SEMA6D: variants seen among roughly 807,000 people sequenced by gnomAD.
The protein encoded by SEMA6D is semaphorin-6D.
Under a neutral mutation model 106.6 loss-of-function variants are expected in SEMA6D, and 35 were observed. That is an observed-to-expected ratio of 0.33 (90% CI 0.25 to 0.44). The LOEUF (loss-of-function observed/expected upper bound fraction) is 0.44. SEMA6D is among the 20% of genes least tolerant of loss of function. SEMA6D has a pLI of 1.00. For synonymous variants in SEMA6D, 499 were observed against 487.7 expected (o/e 1.02, Z -0.31); for missense variants, 1,185 against 1,345.9 (o/e 0.88, Z 1.87).
intron 3 of SEMA6D, among the ~76,000 whole-genome samples, chr15:47,536,232 A>G (rs2045158506): frequency 6.6e-6 from 1 of 152,176 alleles, no homozygotes; most frequent in Non-Finnish European, 1.5e-5. Flanking sequence ...CCATTACATT[A>G]CCTCTACAAA....
intron 2 of SEMA6D, among the ~76,000 whole-genome samples, chr15:47,421,509 T>G (rs2041154673): frequency 1.3e-5 from 2 of 152,114 alleles, no homozygotes; most frequent in Non-Finnish European, 2.9e-5. Flanking sequence ...TGGTTTTGGC[T>G]TCAGGTGATA....
chr15:47,448,961 A>G (rs1259102254), intron 2 of SEMA6D, among the ~76,000 whole-genome samples: 1 of 152,000 alleles, frequency 6.6e-6, no homozygotes, highest in Non-Finnish European at 1.5e-5. Context: ...AAAAATCATC[A>G]TCTCCCCCAT....
chr15:47,416,376 A>C (rs767670552), intron 2 of SEMA6D, among the ~76,000 whole-genome samples: 1 of 152,142 alleles, frequency 6.6e-6, no homozygotes, highest in African/African-American at 2.4e-5. Context: ...CTTGGTCACA[A>C]AATTCGGAAA....
intron 2 of SEMA6D, among the ~76,000 whole-genome samples, chr15:47,448,733 C>T (rs775251938): frequency 6.6e-6 from 1 of 152,058 alleles, no homozygotes. Context: ...AGAGCATCCT[C>T]ATTGAGAAAG....
intron 1 of SEMA6D, among the ~76,000 whole-genome samples, chr15:47,362,810 G>A (rs1001973082): frequency 9.9e-5 from 15 of 152,134 alleles, no homozygotes; most frequent in African/African-American, 3.6e-4. Flanking sequence ...TGTTACTGAA[G>A]GACTGGCAGA....
At chr15:47,397,424 G>A (rs2040249848) in intron 1 of SEMA6D, 1 of 151,882 alleles carries the variant, frequency 6.6e-6, no homozygotes, top group Non-Finnish European at 1.5e-5. Flanking sequence ...TTTTTTTGCA[G>A]TCCTATCAAT....
rs964745423 is a variant in SEMA6D, at chr15:47,623,795, G to A, written c.-55+22899G>A. On this transcript the variant is annotated intron_variant, in intron 4 of 19. Coordinates refer to the SEMA6D transcript ENST00000558014. ...TTCAGAGTATTTTGTAGCCCAGAAG[G>A]AAAAATAAGACATCCATATAGATCA... 3.4e-4 allele frequency among the ~76,000 whole-genome samples: 52 copies of A among 152,128 alleles called. 1 individual carries two copies. The highest frequency in any genetic ancestry group is 8.8e-5 in the Non-Finnish European group (6 of 68,012).
chr15:47,748,247 C>T (rs1025114107), intron 1 of SEMA6D, among the ~76,000 whole-genome samples: 1 of 152,190 alleles, frequency 6.6e-6, no homozygotes, highest in Non-Finnish European at 1.5e-5. Flanking sequence ...ACTCAAGATT[C>T]GCTGTTGGGT....
chr15:47,315,684 G>GGGA (rs2036641196), intron 1 of SEMA6D, among the ~76,000 whole-genome samples: 1 of 152,086 alleles, frequency 6.6e-6, no homozygotes, highest in African/African-American at 2.4e-5. Flanking sequence ...AGATCAAGTT[G>GGGA]GGAATAACTG....
At chr15:47,658,833 AAC>A (rs1315978227) in intron 4 of SEMA6D, among the ~76,000 whole-genome samples, 1 of 151,996 alleles carries the variant, frequency 6.6e-6, no homozygotes, top group Non-Finnish European at 1.5e-5. Flanking sequence ...TAGATCCACA[AAC>A]ACACACACAT....
intron 1 of SEMA6D, chr15:47,359,948 G>A (rs886089583): frequency 5.9e-5 from 9 of 152,116 alleles, no homozygotes; most frequent in Non-Finnish European, 8.8e-5. Flanking sequence ...ACTTCCACAG[G>A]CATTGCTTGG....
intron 1 of SEMA6D, among the ~76,000 whole-genome samples, chr15:47,759,364 A>G (rs557485415): frequency 2.6e-5 from 4 of 152,194 alleles, no homozygotes; most frequent in Non-Finnish European, 4.4e-5. Context: ...TGTATTAGAT[A>G]TATTTCAGGA....
At chr15:47,187,359 T>C (rs1420594448) in intron 1 of SEMA6D, among the ~76,000 whole-genome samples, 1 of 152,202 alleles carries the variant, frequency 6.6e-6, no homozygotes, top group African/African-American at 2.4e-5. Context: ...CTCAAGATTT[T>C]TATGTCTTTC....
chr15:47,410,535 A>G (rs962283921), intron 1 of SEMA6D, among the ~76,000 whole-genome samples: 21 of 152,182 alleles, frequency 1.4e-4, no homozygotes, highest in African/African-American at 5.1e-4. Context: ...TGTCGACCAT[A>G]GTCAGATAAT....
intron 1 of SEMA6D, among the ~76,000 whole-genome samples, chr15:47,257,784 G>A (rs1424310043): frequency 2.0e-5 from 3 of 150,836 alleles, no homozygotes; most frequent in African/African-American, 4.9e-5. Context: ...TTCTATATAT[G>A]TCAACTAGAT....
chr15:47,580,245 C>T (rs2076233004), intron 3 of SEMA6D, among the ~76,000 whole-genome samples: 1 of 152,114 alleles, frequency 6.6e-6, no homozygotes, highest in African/African-American at 2.4e-5. Context: ...TCCTTTCTTC[C>T]TAATGGGATG....
chr15:47,636,346 G>A (rs536263503), intron 4 of SEMA6D, among the ~76,000 whole-genome samples: 2 of 152,312 alleles, frequency 1.3e-5, no homozygotes, highest in South Asian at 2.1e-4. Context: ...GGCTGAACCA[G>A]TGTACAATGC....
intron 1 of SEMA6D, among the ~76,000 whole-genome samples, chr15:47,327,639 T>A (rs1435481735): frequency 6.6e-6 from 1 of 152,206 alleles, no homozygotes; most frequent in Non-Finnish European, 1.5e-5. Flanking sequence ...TTAGATGGTA[T>A]GCAAGCCACA....
intron 4 of SEMA6D, among the ~76,000 whole-genome samples, chr15:47,625,920 C>T (rs1251019577): frequency 6.6e-6 from 1 of 151,992 alleles, no homozygotes; most frequent in Non-Finnish European, 1.5e-5. Flanking sequence ...CCTAAAGTAA[C>T]CATATCTTAT....
Sources: allele counts gnomAD v4.1 joint callset (sites outside exome capture counted in the v4.1 genomes callset), GRCh38; gene constraint gnomAD v4.1.1; transcripts MANE v1.5; gene names NCBI Gene and HGNC (gene_info 2026-07-23, HGNC 2026-07-21).